The following SF3B4 variants were observed in gnomAD, a reference collection of about 807,000 sequenced individuals.
SF3B4 encodes splicing factor 3b subunit 4, also known as SAP 49.
In SF3B4, 3 loss-of-function variants were observed where a neutral mutation model predicts 34.3. That is an observed-to-expected ratio of 0.09 (90% CI 0.04 to 0.23). The LOEUF is 0.23. Among genes scored for constraint, SF3B4 ranks in the 10% least tolerant of loss-of-function variants. SF3B4 has a pLI of 1.00. For synonymous variants in SF3B4, 216 were observed against 207.8 expected (o/e 1.04, Z -0.34); for missense variants, 283 against 567.2 (o/e 0.50, Z 5.09).
In SF3B4 at chr1:149,925,784, C is replaced by G. The variant is rs782487614; in HGVS notation, c.913+52G>C. 3.6e-6 allele frequency: 5 copies of G among 1,386,576 alleles called. No homozygotes were observed. The East Asian group carries it at 1.1e-4, about 32-fold the overall frequency. 85.9% of individuals were successfully genotyped at this position (1,386,576 alleles called of 1,614,324 possible). A position where few individuals can be genotyped will look rare whatever the true frequency, so the allele number is the denominator to read the frequency against. On this transcript the variant is annotated intron_variant, in intron 4 of 5. Coordinates refer to ENST00000271628, the MANE Select transcript of SF3B4 (RefSeq NM_005850.5). Reference sequence around the variant, plus strand: ...CAAAGGGCAGCAGGGTGAGTGGTAACAGAGATGCTCTACCAAGCTCTTCCC... The same window carrying G: ...CAAAGGGCAGCAGGGTGAGTGGTAAGAGAGATGCTCTACCAAGCTCTTCCC...
Position 149,926,554 on chromosome 1 carries a change from A to G in SF3B4, c.528T>C (p.Tyr176=), listed in dbSNP as rs868927962. ...YLCNRPITVS[Y]AFKKDSKGER... ...CACCCTTGGAGTCCTTCTTGAAGGC[A>G]TAAGATACGGTGATAGGACGGTTAC... The change falls in exon 3 of 6, where the codon TAT becomes TAC. Residue 176 remains tyrosine (Y), a synonymous_variant. Coordinates refer to ENST00000271628, the MANE Select transcript of SF3B4 (RefSeq NM_005850.5). The surrounding 1 kb of genome is among the most constrained non-coding windows in gnomAD (Gnocchi z 6.2). 20 of 1,614,118 alleles carry G rather than the reference A, an allele frequency of 1.2e-5. 1 individual carries two copies. The Middle Eastern group carries it at 1.2e-3, about 93-fold the overall frequency.
chr1:149,926,049 A>G lies in SF3B4; in HGVS notation c.707-7T>C. ...GAGCCAGGAGGAGGCATGCCTATAG[A>G]GGAAATGGAAAAAGGAAGAGTTAAT... On this transcript the variant is annotated splice_polypyrimidine_tract_variant and splice_region_variant and intron_variant, in intron 3 of 5. Transcript: ENST00000271628. The surrounding 1 kb of genome is among the most constrained non-coding windows in gnomAD (Gnocchi z 6.2). 1 of 1,430,268 alleles carries G rather than the reference A, an allele frequency of 7.0e-7. No homozygotes were observed. Among genetic ancestry groups the G allele is most frequent in the Non-Finnish European group, 9.4e-7 (1 of 1,060,566 alleles). The allele number at this position is 1,430,268 out of a possible 1,614,324, so 88.6% of individuals were successfully genotyped here. A position where few individuals can be genotyped will look rare whatever the true frequency, so the allele number is the denominator to read the frequency against.
intron 4 of SF3B4, among the ~76,000 whole-genome samples, chr1:149,924,827 G>A (rs2092579682): frequency 6.6e-6 from 1 of 152,202 alleles, no homozygotes; most frequent in Admixed American, 6.5e-5. Context: ...GCAAAATGCA[G>A]TTATAGAAAT....
chr1:149,927,138 A>G, intron 2 of SF3B4, 28 bp downstream of exon 2: 1 of 1,611,278 alleles, frequency 6.2e-7, no homozygotes, highest in Non-Finnish European at 8.5e-7. Flanking sequence ...ACCCTCCGGG[A>G]GCAATTCGCC....
At chr1:149,925,534 C>A in intron 4 of SF3B4, 5 of 393,202 alleles carry the variant, frequency 1.3e-5, no homozygotes, top group South Asian at 4.8e-5. Context: ...AGATAAGGAG[C>A]AGAAGCGTCC....
Position 149,923,670 on chromosome 1 carries a change from G to C in SF3B4, c.1147C>G (p.His383Asp), listed in dbSNP as rs782088855. Residue 383 changes from histidine (H) to aspartate (D), a missense_variant, in exon 6 of 6, where the codon CAT becomes GAT. His to Asp is a moderately conservative substitution (Grantham distance 81). Transcript: ENST00000271628. ...MRGPPPLMPP[H>D]GYTGPPRPPP... ...GGTCGTGGAGGGCCAGTGTATCCAT[G>C]GGGGGGCATCAGTGGAGGAGGTCCA... 1.3e-6 allele frequency: 2 copies of C among 1,527,212 alleles called. No individual in the cohort carries two copies. Among genetic ancestry groups the C allele is most frequent in the Non-Finnish European group, 1.7e-6 (2 of 1,148,392 alleles). 94.6% of individuals were successfully genotyped at this position (1,527,212 alleles called of 1,614,324 possible).
intron 1 of SF3B4, 37 bp from the exon 2 acceptor site, chr1:149,927,331 T>A (rs782137683): frequency 1.9e-6 from 3 of 1,606,404 alleles, no homozygotes; most frequent in Non-Finnish European, 2.5e-6. Context: ...AGCGTGAGAG[T>A]GTAACGGGAA....
rs2305387 is a variant in SF3B4, at chr1:149,927,408, A to G, written c.35-114T>C. ...GGAACTGGGGACCGCGGTAGGGGACAGGAGCAAAAAAAAAAGTTTAAACCC... is the reference window on the plus strand; with the variant it reads ...GGAACTGGGGACCGCGGTAGGGGACGGGAGCAAAAAAAAAAGTTTAAACCC... On this transcript the variant is annotated intron_variant, in intron 1 of 5. Transcript: ENST00000271628. The G allele has an allele frequency of 6.9e-4, 887 of 1,279,042 alleles. 16 individuals are homozygous for G. The East Asian group carries it at 0.021, about 30-fold the overall frequency. 79.2% of individuals were successfully genotyped at this position (1,279,042 alleles called of 1,614,324 possible). A position where few individuals can be genotyped will look rare whatever the true frequency, so the allele number is the denominator to read the frequency against.
At position 149,923,856 on chromosome 1, in the gene SF3B4, A is replaced by G; in HGVS notation, c.1072T>C (p.Phe358Leu). Residue 358 changes from phenylalanine to leucine, a missense_variant, in exon 5 of 6, where the codon TTC becomes CTC. This residue lies in a region of SF3B4 where 208 missense variants were observed against 292.6 expected (regional missense o/e 0.71). Coordinates refer to ENST00000271628, the MANE Select transcript of SF3B4 (RefSeq NM_005850.5). ...GCCGACTTACCCATGGGAGATCCGA[A>G]TGGAGGCCCTCGGGGGGGCATGCCC... ...PMGMPPRGPP[F>L]GSPMGHPGPM... 1 of 1,600,938 alleles carries G rather than the reference A, an allele frequency of 6.2e-7. No individual in the cohort carries two copies. The highest frequency in any genetic ancestry group is 8.5e-7 in the Non-Finnish European group (1 of 1,175,832).
In SF3B4 at chr1:149,923,700, T is replaced by C. The variant is rs148014823; in HGVS notation, c.1117A>G (p.Met373Val). 44 of 1,521,476 alleles carry C rather than the reference T, an allele frequency of 2.9e-5. No individual in the cohort carries two copies. The highest frequency in any genetic ancestry group is 3.5e-5 in the Non-Finnish European group (40 of 1,144,306). The allele number at this position is 1,521,476 out of a possible 1,614,324, so 94.2% of individuals were successfully genotyped here. Reference sequence around the variant, plus strand: ...GGCATCAGTGGAGGAGGTCCACGCATACCATGCGGAGGCATAGGACCTGGG... The same window carrying C: ...GGCATCAGTGGAGGAGGTCCACGCACACCATGCGGAGGCATAGGACCTGGG... ...GHPGPMPPHG[M>V]RGPPPLMPPH... The change falls in exon 6 of 6, where the codon ATG becomes GTG. Residue 373 changes from methionine to valine, a missense_variant. Transcript: ENST00000271628.
Position 149,923,639 on chromosome 1 carries a change from G to A in SF3B4, c.1178C>T (p.Pro393Leu), listed in dbSNP as rs782396303. 34 of 1,530,470 alleles carry A rather than the reference G, an allele frequency of 2.2e-5. No homozygotes were observed. Among genetic ancestry groups the A allele is most frequent in the Non-Finnish European group, 2.8e-5 (32 of 1,150,880 alleles). The allele number at this position is 1,530,470 out of a possible 1,614,324, so 94.8% of individuals were successfully genotyped here. ...GAGAGGCCCCCGCTGGTAGCCATAG[G>A]GTGGGGGTCGTGGAGGGCCAGTGTA... ...HGYTGPPRPP[P>L]YGYQRGPLPP... Residue 393 changes from proline (P) to leucine (L), a missense_variant, in exon 6 of 6, where the codon CCC becomes CTC. This residue lies in a region of SF3B4 where 208 missense variants were observed against 292.6 expected (regional missense o/e 0.71). Transcript: ENST00000271628.
rs1553766270 is a variant in SF3B4 at position 149,927,762 on chromosome 1, C to A, written c.-3G>T. ...TCGGAGATCGGCCCGGCAGCCATGG[C>A]GAAAGAGATCCCGCCGTCTCCCAGC... On this transcript the variant is annotated 5_prime_UTR_variant, in exon 1 of 6. Coordinates refer to ENST00000271628, the MANE Select transcript of SF3B4 (RefSeq NM_005850.5). 1.9e-6 allele frequency: 3 copies of A among 1,552,938 alleles called. No individual in the cohort carries two copies. Among genetic ancestry groups the A allele is most frequent in the Admixed American group, 2.0e-5 (1 of 51,242 alleles).
rs781966286 is a variant in SF3B4 at position 149,926,015 on chromosome 1, G to A, written c.734C>T (p.Pro245Leu). Reference sequence around the variant, plus strand: ...GAGGGCTCCAGGAGGTGGCACTGGGGGTGGGAAGGAGCCAGGAGGAGGCAT... The same window carrying A: ...GAGGGCTCCAGGAGGTGGCACTGGGAGTGGGAAGGAGCCAGGAGGAGGCAT... ...PGMPPPGSFP[P>L]PVPPPGALPP... The change falls in exon 4 of 6, where the codon CCC becomes CTC. Residue 245 changes from proline to leucine, a missense_variant. Physicochemically the swap from Pro to Leu is moderately conservative, Grantham distance 98. Transcript: ENST00000271628. This position sits in a 1 kb window ranked among gnomAD's most constrained non-coding sequence, Gnocchi z 6.2. 2 of 1,502,150 alleles carry A rather than the reference G, an allele frequency of 1.3e-6. No homozygotes were observed. Among genetic ancestry groups the A allele is most frequent in the Non-Finnish European group, 1.8e-6 (2 of 1,122,078 alleles). The allele number at this position is 1,502,150 out of a possible 1,614,324, so 93.1% of individuals were successfully genotyped here. A position where few individuals can be genotyped will look rare whatever the true frequency, so the allele number is the denominator to read the frequency against.
chr1:149,927,581 C>T, intron 1 of SF3B4, 145 bp downstream of exon 1: 1 of 1,120,866 alleles, frequency 8.9e-7, no homozygotes, highest in Non-Finnish European at 1.3e-6. Flanking sequence ...ACCCGGCCAC[C>T]CCGCCCCCAA....
In SF3B4 at chr1:149,927,148, C is replaced by A. The variant is rs782253120; in HGVS notation, c.163+18G>T. On this transcript the variant is annotated intron_variant, in intron 2 of 5. Transcript: ENST00000271628. The stretch of plus-strand genomic sequence containing the variant: ...CTGGGACCCTCCGGGAGCAATTCGC[C>A]CCTTGTCATGTACTCACCTTGGTGC... 1 of 1,612,458 alleles carries A rather than the reference C, an allele frequency of 6.2e-7. No homozygotes were observed. The highest frequency in any genetic ancestry group is 1.1e-5 in the South Asian group (1 of 91,014).
At chr1:149,927,085 A>C in intron 2 of SF3B4, 81 bp downstream of exon 2, 1 of 1,556,330 alleles carries the variant, frequency 6.4e-7, no homozygotes. Flanking sequence ...AAAAATCTTT[A>C]GGTTGCTCAT....
In SF3B4 at chr1:149,926,876, T is replaced by C. The variant is rs2092592556; in HGVS notation, c.206A>G (p.Tyr69Cys). 2 of 1,612,834 alleles carry C rather than the reference T, an allele frequency of 1.2e-6. No homozygotes were observed. The highest frequency in any genetic ancestry group is 1.7e-6 in the Non-Finnish European group (2 of 1,179,546). The change falls in exon 3 of 6, where the codon TAT (tyrosine) becomes TGT (cysteine). Residue 69 changes from tyrosine to cysteine, a missense_variant. Physicochemically the swap from Tyr to Cys is radical, Grantham distance 194. Coordinates refer to ENST00000271628, the MANE Select transcript of SF3B4 (RefSeq NM_005850.5). This position sits in a 1 kb window ranked among gnomAD's most constrained non-coding sequence, Gnocchi z 6.2. ...VEFLSEEDAD[Y>C]AIKIMNMIKL... ...GATCATGTTCATGATCTTAATGGCATAGTCAGCATCTTCCTCACTCAAGAA... is the reference window on the plus strand; with the variant it reads ...GATCATGTTCATGATCTTAATGGCACAGTCAGCATCTTCCTCACTCAAGAA...
intron 5 of SF3B4, 34 bp from the exon 6 acceptor site, chr1:149,923,763 C>T (rs782573617): frequency 1.4e-5 from 21 of 1,510,678 alleles, no homozygotes; most frequent in Middle Eastern, 1.8e-4. Context: ...AGTAAGGGCA[C>T]GGGACAAGGG....
At chr1:149,924,073 T>TA in intron 4 of SF3B4, 59 bp from the exon 5 acceptor site, 1 of 1,385,708 alleles carries the variant, frequency 7.2e-7, no homozygotes, top group South Asian at 1.4e-5. Flanking sequence ...GCAAAGAAAA[T>TA]AGAGAAAGGA....
Sources: gnomAD v4.1 joint callset for allele counts (sites outside exome capture counted in the v4.1 genomes callset) on GRCh38, gnomAD v4.1.1 for gene constraint, gnomAD v4.1.1 regional missense constraint, Gnocchi (gnomAD v3.1) non-coding constraint, MANE v1.5 for transcripts, NCBI Gene and HGNC (gene_info 2026-07-23, HGNC 2026-07-21) for gene names.